The following ERCC6L2 variants were observed in gnomAD, a reference collection of about 807,000 sequenced individuals.
The protein encoded by ERCC6L2 is DNA excision repair protein ERCC-6-like 2.
ERCC6L2 carries 77 observed loss-of-function variants against 132.0 expected under a neutral mutation model. The ratio of observed to expected loss-of-function variants is 0.58; its 90% CI spans 0.49 to 0.71. The LOEUF (loss-of-function observed/expected upper bound fraction) is 0.71. Ranked by LOEUF, ERCC6L2 falls within the 30% of genes least tolerant of loss-of-function variation. The pLI, the probability that ERCC6L2 is intolerant of heterozygous loss-of-function variation, is 0.00. For synonymous variants in ERCC6L2, 583 were observed against 632.4 expected (o/e 0.92, Z 1.17); for missense variants, 1,542 against 1,837.6 (o/e 0.84, Z 2.94).
Position 96,015,703 on chromosome 9 carries a change from T to G in ERCC6L2, c.*2500T>G, listed in dbSNP as rs1299533068. Among the ~76,000 whole-genome samples the G allele has an allele frequency of 6.6e-6, 1 of 151,044 alleles. No individual in the cohort carries two copies. Among genetic ancestry groups the G allele is most frequent in the Non-Finnish European group, 1.5e-5 (1 of 67,888 alleles). On this transcript the variant is annotated 3_prime_UTR_variant, in exon 19 of 19. Transcript: ENST00000653738. ...CTGTAGTCCCAGCTACTCGGGAGGCTGAGGCAGGAGAATGGCGTGAACCTG... is the reference window on the plus strand; with the variant it reads ...CTGTAGTCCCAGCTACTCGGGAGGCGGAGGCAGGAGAATGGCGTGAACCTG...
At chr9:95,935,487 C>A (rs1012013691) in intron 11 of ERCC6L2, among the ~76,000 whole-genome samples, 1 of 151,932 alleles carries the variant, frequency 6.6e-6, no homozygotes, top group African/African-American at 2.4e-5. Flanking sequence ...GTTTATAACT[C>A]AAAAAGTAGA....
intron 12 of ERCC6L2, among the ~76,000 whole-genome samples, chr9:95,952,946 T>A (rs1336373903): frequency 6.6e-6 from 1 of 152,170 alleles, no homozygotes; most frequent in Non-Finnish European, 1.5e-5. Context: ...TCCTGTAATA[T>A]CAGCTACGAA....
At chr9:95,986,271 A>G (rs1306072418) in intron 17 of ERCC6L2, among the ~76,000 whole-genome samples, 2 of 152,222 alleles carry the variant, frequency 1.3e-5, no homozygotes, top group African/African-American at 4.8e-5. Context: ...ACTAATTCAA[A>G]TAACAGCAGG....
At chr9:95,910,045 T>A (rs1217496129) in intron 4 of ERCC6L2, among the ~76,000 whole-genome samples, 1 of 152,250 alleles carries the variant, frequency 6.6e-6, no homozygotes, top group Non-Finnish European at 1.5e-5. Flanking sequence ...AACAATGTTC[T>A]ATAGTTATTG....
intron 20 of ERCC6L2, among the ~76,000 whole-genome samples, chr9:96,040,389 G>A (rs536214994): frequency 1.2e-4 from 18 of 152,282 alleles, no homozygotes; most frequent in Middle Eastern, 3.4e-3. Context: ...CTGCCCTTAG[G>A]TGAGTCTTCT....
Position 95,972,000 on chromosome 9 carries a change from C to T in ERCC6L2, c.2249C>T (p.Ala750Val), listed in dbSNP as rs1344386345. 1.5e-6 allele frequency: 2 copies of T among 1,304,012 alleles called. No homozygotes were observed. Among genetic ancestry groups the T allele is most frequent in the Non-Finnish European group, 2.0e-6 (2 of 988,910 alleles). The allele number at this position is 1,304,012 out of a possible 1,614,324, so 80.8% of individuals were successfully genotyped here. ...GCTGCAGAGCCACTGGCAAAGGAAG[C>T]ATGTGATCTCTGCAGTGACTTCAGT... is the stretch of plus-strand genomic sequence containing the variant. The part of the protein sequence containing the change: ...EQAAEPLAKE[A>V]CDLCSDFSDE... The change falls in exon 16 of 19, where the codon GCA (alanine) becomes GTA (valine). Residue 750 changes from alanine (A) to valine (V), a missense_variant. Physicochemically the swap from Ala to Val is moderately conservative, Grantham distance 64. Coordinates refer to ENST00000653738, the MANE Select transcript of ERCC6L2 (RefSeq NM_020207.7).
intron 11 of ERCC6L2, among the ~76,000 whole-genome samples, chr9:95,933,079 A>G (rs546857120): frequency 6.6e-6 from 1 of 152,238 alleles, no homozygotes; most frequent in African/African-American, 2.4e-5. Context: ...ATTACTTCAG[A>G]ATCTCTTGGA....
At chr9:95,901,548 G>A (rs1199788715) in intron 3 of ERCC6L2, among the ~76,000 whole-genome samples, 3 of 152,050 alleles carry the variant, frequency 2.0e-5, no homozygotes, top group African/African-American at 7.2e-5. Context: ...TTTGCTTGTT[G>A]TTGTTTTTAG....
chr9:96,013,361 C>T lies in ERCC6L2; in HGVS notation c.*158C>T, dbSNP rs1355948806. On this transcript the variant is annotated 3_prime_UTR_variant, in exon 19 of 19. Coordinates refer to ENST00000653738, the MANE Select transcript of ERCC6L2 (RefSeq NM_020207.7). ...TGAAGTCTAAAGTATTGTCATGGAT[C>T]TGTTTTTCTTGATATTTGATTTGAT... 1 of 480,306 alleles carries T rather than the reference C, an allele frequency of 2.1e-6. No individual in the cohort carries two copies. Among genetic ancestry groups the T allele is most frequent in the Non-Finnish European group, 3.2e-6 (1 of 311,400 alleles). 29.8% of individuals were successfully genotyped at this position (480,306 alleles called of 1,614,324 possible).
chr9:96,025,779 C>A (rs914594317), intron 19 of ERCC6L2: 4 of 152,214 alleles, frequency 2.6e-5, no homozygotes, highest in African/African-American at 9.6e-5. Flanking sequence ...TGGGTCTACT[C>A]TTCAACTTGC....
At chr9:95,998,819 G>A (rs976293025) in intron 17 of ERCC6L2, among the ~76,000 whole-genome samples, 2 of 152,122 alleles carry the variant, frequency 1.3e-5, no homozygotes, top group Admixed American at 1.3e-4. Flanking sequence ...ACTCTGTTAT[G>A]GCAGCAATAG....
chr9:96,012,594 GGT>G lies in ERCC6L2; in HGVS notation c.4047_4048del (p.Phe1351Ter). On this transcript the variant is annotated frameshift_variant, in exon 19 of 19. Transcript: ENST00000653738. LOFTEE classifies it low-confidence loss of function (END_TRUNC). ...FQNHISYREE[V>X]FFNDAETKKS... ...AGAATCATATTTCCTATAGAGAAGA[GGT>G]GTTTTTTAATGATGCAGAAACTAAG... is the stretch of plus-strand genomic sequence containing the variant. The G allele has an allele frequency of 7.3e-7, 1 of 1,367,560 alleles. No individual in the cohort carries two copies. The highest frequency in any genetic ancestry group is 1.1e-5 in the South Asian group (1 of 88,038). 84.7% of individuals were successfully genotyped at this position (1,367,560 alleles called of 1,614,324 possible).
intron 6 of ERCC6L2, chr9:95,918,234 C>T (rs1829694019): frequency 1.3e-5 from 6 of 447,916 alleles, no homozygotes; most frequent in South Asian, 1.1e-4. Flanking sequence ...AGATTAAGGT[C>T]ACCATTGCAG....
intron 13 of ERCC6L2, among the ~76,000 whole-genome samples, chr9:95,959,160 T>C (rs1354092139): frequency 6.6e-6 from 1 of 151,194 alleles, no homozygotes; most frequent in East Asian, 1.9e-4. Flanking sequence ...CAAAACAGCA[T>C]GGTACTGGTA....
At chr9:95,898,385 T>C (rs370600907) in intron 3 of ERCC6L2, among the ~76,000 whole-genome samples, 4 of 152,274 alleles carry the variant, frequency 2.6e-5, no homozygotes, top group East Asian at 3.9e-4. Context: ...CATTGACTTA[T>C]TTCAAGTTGC....
chr9:95,912,062 TAAAC>T (rs1346922034), intron 4 of ERCC6L2, among the ~76,000 whole-genome samples: 1 of 152,206 alleles, frequency 6.6e-6, no homozygotes, highest in East Asian at 1.9e-4. Flanking sequence ...GGAGGATTCT[TAAAC>T]AGACTATTGA....
chr9:95,919,351 A>G (rs1829752408), intron 6 of ERCC6L2, among the ~76,000 whole-genome samples: 1 of 152,174 alleles, frequency 6.6e-6, no homozygotes, highest in African/African-American at 2.4e-5. Flanking sequence ...TTTTACAAAT[A>G]AAAAAATGTC....
In ERCC6L2 at chr9:96,015,275, C is replaced by T. The variant is rs975334958; in HGVS notation, c.*2072C>T. On this transcript the variant is annotated 3_prime_UTR_variant, in exon 19 of 19. Coordinates refer to ENST00000653738, the MANE Select transcript of ERCC6L2 (RefSeq NM_020207.7). ...GATCTTGGCTCACTGCAGCCTCCGC[C>T]CCCCGAGTCAAGCAATTCTCCTGCC... Among the ~76,000 whole-genome samples, 2 of 150,510 alleles carry T rather than the reference C, an allele frequency of 1.3e-5. No individual in the cohort carries two copies. The highest frequency in any genetic ancestry group is 4.8e-5 in the African/African-American group (2 of 41,302).
At chr9:96,009,199 G>A (rs1190986755) in intron 18 of ERCC6L2, among the ~76,000 whole-genome samples, 12 of 152,208 alleles carry the variant, frequency 7.9e-5, no homozygotes, top group South Asian at 6.2e-4. Context: ...ATCTTGAGCC[G>A]TGGGCAGAGC....
Sources: gnomAD v4.1 joint callset for allele counts (sites outside exome capture counted in the v4.1 genomes callset) on GRCh38, gnomAD v4.1.1 for gene constraint, MANE v1.5 for transcripts, NCBI Gene and HGNC (gene_info 2026-07-23, HGNC 2026-07-21) for gene names.